The following TBC1D4 variants were observed in gnomAD, a reference collection of about 807,000 sequenced individuals.
TBC1D4 encodes the protein TBC1 domain family member 4, also known as TBC (Tre-2, BUB2, CDC16) domain-containing protein.
TBC1D4 carries 121 observed loss-of-function variants against 142.5 expected under a neutral mutation model. That is an observed-to-expected ratio of 0.85 (90% CI 0.73 to 0.99). TBC1D4 has a LOEUF of 0.99. Ranked by LOEUF, TBC1D4 falls within the 50% of genes least tolerant of loss-of-function variation. The pLI is 0.00. For synonymous variants in TBC1D4, 630 were observed against 628.2 expected (o/e 1.00, Z -0.04); for missense variants, 1,475 against 1,606.6 (o/e 0.92, Z 1.40).
chr13:75,481,975 C>T lies in TBC1D4; in HGVS notation c.-208G>A. 1.5e-6 allele frequency: 1 copy of T among 658,652 alleles called. No individual in the cohort carries two copies. Among genetic ancestry groups the T allele is most frequent in the Non-Finnish European group, 2.2e-6 (1 of 463,020 alleles). 40.8% of individuals were successfully genotyped at this position (658,652 alleles called of 1,614,324 possible). A position where few individuals can be genotyped will look rare whatever the true frequency, so the allele number is the denominator to read the frequency against. ...GCGGCTCGGAGGCTCCGGCGGCGGG[C>T]ACCGAGGCAAGCGCCCGGCAGGCGA... On this transcript the variant is annotated 5_prime_UTR_variant, in exon 1 of 21. Coordinates refer to ENST00000377636, the MANE Select transcript of TBC1D4 (RefSeq NM_014832.5).
At chr13:75,451,647 T>A (rs756592087) in intron 1 of TBC1D4, among the ~76,000 whole-genome samples, 34 of 150,080 alleles carry the variant, frequency 2.3e-4, no homozygotes, top group Non-Finnish European at 4.7e-4. Context: ...ACCACTGCAC[T>A]CCAGCCTGGG....
intron 1 of TBC1D4, among the ~76,000 whole-genome samples, chr13:75,438,378 C>A (rs754432712): frequency 3.4e-4 from 52 of 152,146 alleles, no homozygotes; most frequent in Non-Finnish European, 8.8e-5. Flanking sequence ...TCCTGAAATA[C>A]CCACCTTAAT....
chr13:75,294,713 G>C, intron 18 of TBC1D4, 141 bp downstream of exon 18: 1 of 867,612 alleles, frequency 1.2e-6, no homozygotes, highest in African/African-American at 1.7e-5. Flanking sequence ...AACACAGCCA[G>C]GCACATTTAT....
intron 3 of TBC1D4, among the ~76,000 whole-genome samples, chr13:75,357,740 A>G (rs1278363419): frequency 6.6e-6 from 1 of 152,222 alleles, no homozygotes; most frequent in Non-Finnish European, 1.5e-5. Flanking sequence ...TCCTGAAAAC[A>G]GCCACATTAT....
At chr13:75,360,258 G>C (rs1566423678) in intron 2 of TBC1D4, among the ~76,000 whole-genome samples, 2 of 152,040 alleles carry the variant, frequency 1.3e-5, no homozygotes, top group Non-Finnish European at 2.9e-5. Context: ...TTGGGCTAAT[G>C]AATTAAAATC....
At chr13:75,296,353 GTC>G in intron 17 of TBC1D4, among the ~76,000 whole-genome samples, 1 of 152,138 alleles carries the variant, frequency 6.6e-6, no homozygotes, top group Non-Finnish European at 1.5e-5. Flanking sequence ...AATCAAAAAA[GTC>G]TAATTAGCAG....
At chr13:75,357,560 C>A (rs2138151092) in intron 3 of TBC1D4, among the ~76,000 whole-genome samples, 1 of 152,306 alleles carries the variant, frequency 6.6e-6, no homozygotes, top group Middle Eastern at 3.4e-3. Flanking sequence ...TTGCTTAGCA[C>A]TAAATGGGAA....
chr13:75,341,627 G>A (rs768142451), intron 5 of TBC1D4, 40 bp from the exon 6 acceptor site: 2 of 1,505,534 alleles, frequency 1.3e-6, no homozygotes, highest in South Asian at 2.3e-5. Context: ...ACAGAGTCTA[G>A]CAGCAGAGAT....
chr13:75,403,299 A>G (rs2138360543), intron 1 of TBC1D4, among the ~76,000 whole-genome samples: 2 of 152,338 alleles, frequency 1.3e-5, no homozygotes, highest in East Asian at 1.9e-4. Flanking sequence ...GATAATTATT[A>G]GTTCTAGTTT....
At chr13:75,291,065 C>A (rs1184977740) in intron 19 of TBC1D4, among the ~76,000 whole-genome samples, 1 of 152,228 alleles carries the variant, frequency 6.6e-6, no homozygotes, top group Non-Finnish European at 1.5e-5. Context: ...TACCACTCAC[C>A]TGGTCCCTAT....
chr13:75,302,408 T>G lies in TBC1D4; in HGVS notation c.2753-7A>C. 1 of 1,613,984 alleles carries G rather than the reference T, an allele frequency of 6.2e-7. No homozygotes were observed. ...CGTCGACTTTTGGGAACTCCTACAA[T>G]GAAGGAGATAAATAACCAAGGCCTT... On this transcript the variant is annotated splice_region_variant and splice_polypyrimidine_tract_variant and intron_variant, in intron 15 of 20. Coordinates refer to ENST00000377636, the MANE Select transcript of TBC1D4 (RefSeq NM_014832.5).
intron 1 of TBC1D4, among the ~76,000 whole-genome samples, chr13:75,367,486 T>C (rs566792371): frequency 3.6e-4 from 55 of 151,176 alleles, no homozygotes; most frequent in Non-Finnish European, 5.7e-4. Context: ...TAATCTTTTA[T>C]AATAACTATA....
At chr13:75,442,255 G>A (rs1887074854) in intron 1 of TBC1D4, among the ~76,000 whole-genome samples, 1 of 152,160 alleles carries the variant, frequency 6.6e-6, no homozygotes, top group Admixed American at 6.5e-5. Context: ...TGTGAAATTA[G>A]GCTAATAACA....
At chr13:75,414,712 T>C (rs1247541498) in intron 1 of TBC1D4, among the ~76,000 whole-genome samples, 1 of 152,052 alleles carries the variant, frequency 6.6e-6, no homozygotes, top group Non-Finnish European at 1.5e-5. Flanking sequence ...GCTATGTCAA[T>C]AATCCAGATA....
chr13:75,399,422 G>C (rs1394193517), intron 1 of TBC1D4, among the ~76,000 whole-genome samples: 1 of 152,116 alleles, frequency 6.6e-6, no homozygotes, highest in African/African-American at 2.4e-5. Flanking sequence ...TGTCTACTGG[G>C]CTTATATCAT....
chr13:75,425,462 C>T (rs568881928), intron 1 of TBC1D4, among the ~76,000 whole-genome samples: 1 of 152,168 alleles, frequency 6.6e-6, no homozygotes, highest in African/African-American at 2.4e-5. Flanking sequence ...AATCCCACTA[C>T]TGGGTATATA....
At chr13:75,468,393 A>G (rs1888256250) in intron 1 of TBC1D4, among the ~76,000 whole-genome samples, 1 of 152,192 alleles carries the variant, frequency 6.6e-6, no homozygotes, top group Non-Finnish European at 1.5e-5. Flanking sequence ...AAATAAATCC[A>G]ATTATTGCAT....
chr13:75,355,627 A>G (rs1475590903), intron 4 of TBC1D4, among the ~76,000 whole-genome samples: 1 of 152,208 alleles, frequency 6.6e-6, no homozygotes, highest in Non-Finnish European at 1.5e-5. Flanking sequence ...GGAGAGGGGT[A>G]GTATTAAAGA....
intron 1 of TBC1D4, among the ~76,000 whole-genome samples, chr13:75,377,913 G>A (rs1883614266): frequency 6.6e-6 from 1 of 151,820 alleles, no homozygotes; most frequent in Non-Finnish European, 1.5e-5. Flanking sequence ...TTAATGGCAT[G>A]CAAAATATAC....
Sources: allele counts gnomAD v4.1 joint callset (sites outside exome capture counted in the v4.1 genomes callset), GRCh38; gene constraint gnomAD v4.1.1; transcripts MANE v1.5; gene names NCBI Gene and HGNC (gene_info 2026-07-23, HGNC 2026-07-21).